The following MARCHF1 variants were observed in gnomAD, a reference collection of about 807,000 sequenced individuals.
MARCHF1 encodes E3 ubiquitin-protein ligase MARCHF1.
Under a neutral mutation model 54.2 loss-of-function variants are expected in MARCHF1, and 40 were observed. The ratio of observed to expected loss-of-function variants is 0.74; its 90% CI spans 0.57 to 0.96. The LOEUF is 0.96. Among genes scored for constraint, MARCHF1 ranks in the 40% least tolerant of loss-of-function variants. MARCHF1 has a pLI of 0.00. For missense variants in MARCHF1, 586 were observed against 656.5 expected (o/e 0.89, Z 1.17); for synonymous variants, 236 against 236.3 (o/e 1.00, Z 0.01).
intron 1 of MARCHF1, among the ~76,000 whole-genome samples, chr4:164,300,949 A>G (rs1390044436): frequency 6.6e-6 from 1 of 152,202 alleles, no homozygotes; most frequent in Admixed American, 6.5e-5. Flanking sequence ...CAGGATAAGG[A>G]AGATCTGAGT....
At chr4:163,789,145 T>C (rs1265615887) in intron 4 of MARCHF1, among the ~76,000 whole-genome samples, 3 of 152,020 alleles carry the variant, frequency 2.0e-5, no homozygotes, top group Non-Finnish European at 4.4e-5. Context: ...TCTCTATAGA[T>C]TTGTGGATAT....
At chr4:163,568,823 G>A (rs2110742517) in intron 8 of MARCHF1, among the ~76,000 whole-genome samples, 1 of 152,244 alleles carries the variant, frequency 6.6e-6, no homozygotes, top group Non-Finnish European at 1.5e-5. Flanking sequence ...GAGGCTCCTA[G>A]ACATATCTGT....
At chr4:163,663,837 C>T (rs532119556) in intron 5 of MARCHF1, among the ~76,000 whole-genome samples, 3 of 151,974 alleles carry the variant, frequency 2.0e-5, no homozygotes, top group African/African-American at 7.2e-5. Flanking sequence ...AACTAAAAAT[C>T]TTTAGGCTTT....
At chr4:163,729,540 C>A (rs1745767659) in intron 4 of MARCHF1, among the ~76,000 whole-genome samples, 1 of 151,990 alleles carries the variant, frequency 6.6e-6, no homozygotes, top group Non-Finnish European at 1.5e-5. Flanking sequence ...TAGATACAAG[C>A]CTACTCAAAG....
At chr4:164,359,365 T>C (rs1218299425) in intron 1 of MARCHF1, among the ~76,000 whole-genome samples, 2 of 152,222 alleles carry the variant, frequency 1.3e-5, no homozygotes, top group East Asian at 3.8e-4. Flanking sequence ...TCAGCAGATC[T>C]GTCTGAAGTG....
chr4:163,886,312 GAT>G, intron 3 of MARCHF1, among the ~76,000 whole-genome samples: 2 of 104,794 alleles, frequency 1.9e-5, no homozygotes, highest in African/African-American at 9.6e-5. Flanking sequence ...GACATAGATA[GAT>G]AGATAGATAG....
At position 163,642,740 on chromosome 4, in the gene MARCHF1, G is replaced by T. The variant is rs566644627; in HGVS notation, c.163-29347C>A. On this transcript the variant is annotated intron_variant, in intron 5 of 9. Coordinates refer to ENST00000514618, the MANE Select transcript of MARCHF1 (RefSeq NM_001394959.1). ...TCTAAACATGTTTTGGAGAGCTATA[G>T]GTTTCTGAGTCTGTCAAAATAATCT... 5.9e-5 allele frequency among the ~76,000 whole-genome samples: 9 copies of T among 152,150 alleles called. No homozygotes were observed. The South Asian group carries it at 1.9e-3, about 32-fold the overall frequency.
At chr4:163,921,333 T>C (rs1054092087) in intron 3 of MARCHF1, among the ~76,000 whole-genome samples, 5 of 152,134 alleles carry the variant, frequency 3.3e-5, no homozygotes, top group African/African-American at 1.2e-4. Context: ...GATATCATAC[T>C]TCGATTTTTA....
intron 3 of MARCHF1, among the ~76,000 whole-genome samples, chr4:163,926,825 T>C (rs958300608): frequency 1.2e-4 from 18 of 151,548 alleles, no homozygotes; most frequent in African/African-American, 4.4e-4. Flanking sequence ...ATATAAACTA[T>C]GACAATCCAT....
At chr4:163,886,436 T>C (rs2111257290) in intron 3 of MARCHF1, among the ~76,000 whole-genome samples, 1 of 151,840 alleles carries the variant, frequency 6.6e-6, no homozygotes, top group South Asian at 2.1e-4. Flanking sequence ...TAAACTATAA[T>C]AAAGCATCTC....
chr4:164,302,461 A>G (rs1474295109), intron 1 of MARCHF1, among the ~76,000 whole-genome samples: 1 of 152,206 alleles, frequency 6.6e-6, no homozygotes, highest in Non-Finnish European at 1.5e-5. Flanking sequence ...AGAAAAGGGT[A>G]ATCTTTACTA....
intron 5 of MARCHF1, among the ~76,000 whole-genome samples, chr4:163,668,265 G>A (rs1743611158): frequency 6.6e-6 from 1 of 152,166 alleles, no homozygotes. Context: ...TTTCATTCAA[G>A]AGAACTGCTG....
intron 4 of MARCHF1, among the ~76,000 whole-genome samples, chr4:163,729,547 A>G (rs557047200): frequency 6.6e-6 from 1 of 152,070 alleles, no homozygotes; most frequent in African/African-American, 2.4e-5. Flanking sequence ...AAGCCTACTC[A>G]AAGTTTTTTA....
At chr4:163,741,721 GGAT>G (rs1746201771) in intron 4 of MARCHF1, among the ~76,000 whole-genome samples, 1 of 152,162 alleles carries the variant, frequency 6.6e-6, no homozygotes, top group Admixed American at 6.5e-5. Flanking sequence ...CTGTCTCACA[GGAT>G]ATCTGGCTTG....
At chr4:163,804,229 G>A (rs917211839) in intron 4 of MARCHF1, among the ~76,000 whole-genome samples, 2 of 152,112 alleles carry the variant, frequency 1.3e-5, no homozygotes, top group African/African-American at 4.8e-5. Flanking sequence ...TAGAGACATG[G>A]TTCACTTTAG....
intron 2 of MARCHF1, among the ~76,000 whole-genome samples, chr4:163,995,023 G>T (rs1438600897): frequency 6.6e-6 from 1 of 151,924 alleles, no homozygotes; most frequent in African/African-American, 2.4e-5. Flanking sequence ...GCAGACACCA[G>T]CCGGGTGTCA....
rs935945591 is a variant in MARCHF1 at position 163,526,372 on chromosome 4, G to GCAAA, written c.*2372_*2375dup. 6.6e-6 allele frequency: 1 copy of GCAAA among 151,928 alleles called. No homozygotes were observed. The highest frequency in any genetic ancestry group is 1.5e-5 in the Non-Finnish European group (1 of 67,942). The allele number at this position is 151,928 out of a possible 1,614,324, so 9.4% of individuals were successfully genotyped here. A position where few individuals can be genotyped will look rare whatever the true frequency, so the allele number is the denominator to read the frequency against. ...AGTAAATAATTATTTTACTTTCAGA[G>GCAAA]CAAACAAAAGAGAAATCAACATTTC... On this transcript the variant is annotated 3_prime_UTR_variant, in exon 10 of 10. Transcript: ENST00000514618.
chr4:164,187,271 C>CA (rs1730994600), intron 1 of MARCHF1, among the ~76,000 whole-genome samples: 1 of 61,566 alleles, frequency 1.6e-5, no homozygotes, highest in East Asian at 2.6e-4. Context: ...AGGTCTGCCC[C>CA]CCTCCTGGAG....
intron 1 of MARCHF1, among the ~76,000 whole-genome samples, chr4:164,292,955 CCTT>C (rs1442619850): frequency 6.6e-6 from 1 of 152,110 alleles, no homozygotes; most frequent in Non-Finnish European, 1.5e-5. Flanking sequence ...TATACTACTT[CCTT>C]CTTCTAACCA....
Sources: gnomAD v4.1 joint callset for allele counts (sites outside exome capture counted in the v4.1 genomes callset) on GRCh38, gnomAD v4.1.1 for gene constraint, MANE v1.5 for transcripts, NCBI Gene and HGNC (gene_info 2026-07-23, HGNC 2026-07-21) for gene names.